Variants in KIAA1549L observed in about 807,000 individuals in gnomAD.
KIAA1549L encodes the protein KIAA1549 like, also known as UPF0606 protein KIAA1549L.
Under a neutral mutation model 160.7 loss-of-function variants are expected in KIAA1549L, and 88 were observed. The ratio of observed to expected loss-of-function variants is 0.55; its 90% CI spans 0.46 to 0.65. The LOEUF is 0.65. KIAA1549L is among the 30% of genes least tolerant of loss of function. The pLI is 0.00. For synonymous variants in KIAA1549L, 950 were observed against 976.7 expected, an observed-to-expected ratio of 0.97 and a Z score of 0.51; for missense variants, 2,258 against 2,437.5, an observed-to-expected ratio of 0.93 and a Z score of 1.55.
At chr11:33,430,301 A>G (rs11032268) in intron 1 of KIAA1549L, among the ~76,000 whole-genome samples, 4,411 of 143,632 alleles carry the variant, frequency 0.031, 227 homozygotes, top group African/African-American at 0.11. Context: ...ATTTTTCCCA[A>G]CATATTTTTG....
chr11:33,515,620 G>T (rs1425012960), intron 1 of KIAA1549L, among the ~76,000 whole-genome samples: 4 of 152,228 alleles, frequency 2.6e-5, no homozygotes, highest in Admixed American at 6.5e-5. Context: ...TGATTCATCA[G>T]GTGTGGAAAT....
rs1226699612 is a variant in KIAA1549L at position 33,414,895 on chromosome 11, T to A, written c.238+38006T>A. ...TCCCCATTTTCCTGTTAATATACTATATCGTTTTGATGTCAGGACCTCTTT... is the reference window on the plus strand; with the variant it reads ...TCCCCATTTTCCTGTTAATATACTAAATCGTTTTGATGTCAGGACCTCTTT... On this transcript the variant is annotated intron_variant, in intron 1 of 20. Coordinates refer to ENST00000658780, the MANE Select transcript of KIAA1549L (RefSeq NM_012194.3). 1.3e-5 allele frequency among the ~76,000 whole-genome samples: 2 copies of A among 152,128 alleles called. 1 individual carries two copies. The highest frequency in any genetic ancestry group is 3.8e-4 in the East Asian group (2 of 5,204).
rs528530400 is a variant in KIAA1549L, at chr11:33,630,417, C to G, written c.5409+11755C>G. ...TGCAGTTTGATCTCAGACTGCTGTGCTAGCAATCAGCGAGACTCCGTGGGC... is the reference window on the plus strand; with the variant it reads ...TGCAGTTTGATCTCAGACTGCTGTGGTAGCAATCAGCGAGACTCCGTGGGC... On this transcript the variant is annotated intron_variant, in intron 16 of 20. Transcript: ENST00000658780. 1.4e-4 allele frequency among the ~76,000 whole-genome samples: 21 copies of G among 152,324 alleles called. No individual in the cohort carries two copies. The East Asian group carries it at 3.7e-3, about 27-fold the overall frequency.
intron 1 of KIAA1549L, among the ~76,000 whole-genome samples, chr11:33,524,326 G>A (rs1393405796): frequency 2.0e-5 from 3 of 151,426 alleles, no homozygotes; most frequent in Admixed American, 1.3e-4. Flanking sequence ...TTACACTTCT[G>A]TTCACTCTAT....
chr11:33,609,702 C>T (rs529778039), intron 14 of KIAA1549L, 47 bp from the exon 15 acceptor site: 44 of 1,455,270 alleles, frequency 3.0e-5, no homozygotes, highest in East Asian at 4.9e-5. Flanking sequence ...TCCCACCTGC[C>T]GGCCCCACTG....
At chr11:33,507,427 A>G (rs113227254) in intron 1 of KIAA1549L, among the ~76,000 whole-genome samples, 1 of 152,224 alleles carries the variant, frequency 6.6e-6, no homozygotes, top group South Asian at 2.1e-4. Flanking sequence ...CTTGAAACAA[A>G]TAATAACATT....
chr11:33,630,714 G>A (rs1029175663), intron 16 of KIAA1549L, among the ~76,000 whole-genome samples: 2 of 151,916 alleles, frequency 1.3e-5, no homozygotes, highest in Non-Finnish European at 2.9e-5. Context: ...CGGTACCTCA[G>A]ATAGAAATGC....
Position 33,447,218 on chromosome 11 carries a change from A to C in KIAA1549L, c.238+70329A>C, listed in dbSNP as rs148202495. Among the ~76,000 whole-genome samples the C allele has an allele frequency of 1.9e-4, 29 of 149,408 alleles. No homozygotes were observed. The East Asian group carries it at 5.6e-3, about 29-fold the overall frequency. ...AAGTCACAGAGTTGAGAATGAACAT[A>C]GCACACCCTGAACGCTTGAAGTACA... On this transcript the variant is annotated intron_variant, in intron 1 of 20. Transcript: ENST00000658780.
intron 1 of KIAA1549L, among the ~76,000 whole-genome samples, chr11:33,485,459 A>G (rs1458033431): frequency 2.0e-5 from 3 of 152,148 alleles, no homozygotes; most frequent in Admixed American, 6.6e-5. Flanking sequence ...TGACAAAAGT[A>G]TCTATTTGTT....
In KIAA1549L at chr11:33,545,341, G is replaced by C. The variant is rs768028202; in HGVS notation, c.3348G>C (p.Leu1116=). 2 of 1,612,088 alleles carry C rather than the reference G, an allele frequency of 1.2e-6. No homozygotes were observed. The highest frequency in any genetic ancestry group is 4.5e-5 in the East Asian group (2 of 44,814). The change falls in exon 3 of 21, where the codon CTG becomes CTC. Residue 1116 remains leucine (L), a synonymous_variant. Coordinates refer to ENST00000658780, the MANE Select transcript of KIAA1549L (RefSeq NM_012194.3). Reference sequence around the variant, plus strand: ...CGACTGGCAAAATGGCATCCAACCTGGAGTGTCAGATGTCCAGTAAGCTCC... The same window carrying C: ...CGACTGGCAAAATGGCATCCAACCTCGAGTGTCAGATGTCCAGTAAGCTCC... ...VVTTGKMASN[L]ECQMSSKLLV...
At chr11:33,377,013 CAGT>C (rs1018308979) in intron 1 of KIAA1549L, 124 bp downstream of exon 1, 2 of 152,178 alleles carry the variant, frequency 1.3e-5, no homozygotes, top group Non-Finnish European at 2.9e-5. Context: ...ACTGCTGCAA[CAGT>C]AGGCGAACTG....
intron 1 of KIAA1549L, among the ~76,000 whole-genome samples, chr11:33,470,726 T>C (rs1852161436): frequency 6.6e-6 from 1 of 152,192 alleles, no homozygotes; most frequent in Non-Finnish European, 1.5e-5. Context: ...ATACTGGGAT[T>C]ATAGGAATGA....
chr11:33,608,277 G>A (rs1482945937), intron 14 of KIAA1549L, among the ~76,000 whole-genome samples: 1 of 152,146 alleles, frequency 6.6e-6, no homozygotes, highest in African/African-American at 2.4e-5. Flanking sequence ...ACTAGTGCCT[G>A]GCACACAATA....
rs1023034254 is a variant in KIAA1549L at position 33,589,346 on chromosome 11, G to GGT, written c.4567-1887_4567-1886dup. 2.4e-4 allele frequency among the ~76,000 whole-genome samples: 36 copies of GGT among 152,078 alleles called. 1 individual carries two copies. Among genetic ancestry groups the GGT allele is most frequent in the Middle Eastern group, 3.4e-3 (1 of 294 alleles). Reference sequence around the variant, plus strand: ...AACTAGTTCAACCATTGTGGAAGTCGGTGTGGCGATTCCTCAGGGATATAG... The same window carrying GGT: ...AACTAGTTCAACCATTGTGGAAGTCGGTGTGTGGCGATTCCTCAGGGATATAG... On this transcript the variant is annotated intron_variant, in intron 11 of 20. Coordinates refer to ENST00000658780, the MANE Select transcript of KIAA1549L (RefSeq NM_012194.3).
At position 33,419,191 on chromosome 11, in the gene KIAA1549L, G is replaced by T. The variant is rs188412896; in HGVS notation, c.238+42302G>T. ...CCCCGCCTCCCTACATTTCTTTATG[G>T]TTTTCCTTTACATTTTCCTCTCAAC... is the stretch of plus-strand genomic sequence containing the variant. On this transcript the variant is annotated intron_variant, in intron 1 of 20. Coordinates refer to ENST00000658780, the MANE Select transcript of KIAA1549L (RefSeq NM_012194.3). Among the ~76,000 whole-genome samples, 16 of 152,104 alleles carry T rather than the reference G, an allele frequency of 1.1e-4. No homozygotes were observed. The East Asian group carries it at 3.1e-3, about 29-fold the overall frequency.
intron 10 of KIAA1549L, among the ~76,000 whole-genome samples, chr11:33,582,585 T>G (rs1331023858): frequency 6.6e-6 from 1 of 152,214 alleles, no homozygotes; most frequent in Non-Finnish European, 1.5e-5. Flanking sequence ...AAGTAAATCA[T>G]AGGATGAGCT....
chr11:33,448,225 C>T (rs1428781752), intron 1 of KIAA1549L, among the ~76,000 whole-genome samples: 2 of 152,104 alleles, frequency 1.3e-5, no homozygotes, highest in Non-Finnish European at 2.9e-5. Flanking sequence ...TAGGTATTTA[C>T]ATTTGAGGAA....
intron 1 of KIAA1549L, among the ~76,000 whole-genome samples, chr11:33,517,595 T>C (rs939391601): frequency 6.6e-6 from 1 of 152,224 alleles, no homozygotes; most frequent in Non-Finnish European, 1.5e-5. Context: ...AACTCCTTTA[T>C]GTCATTATTA....
chr11:33,438,022 G>A (rs1851415302), intron 1 of KIAA1549L, among the ~76,000 whole-genome samples: 1 of 152,210 alleles, frequency 6.6e-6, no homozygotes, highest in South Asian at 2.1e-4. Context: ...TCTCCCCTGA[G>A]CCATTCACAT....
Sources: gnomAD v4.1 joint callset for allele counts (sites outside exome capture counted in the v4.1 genomes callset) on GRCh38, gnomAD v4.1.1 for gene constraint, MANE v1.5 for transcripts, NCBI Gene and HGNC (gene_info 2026-07-23, HGNC 2026-07-21) for gene names.